Variants in XKR4 observed in about 807,000 individuals in gnomAD.
XKR4 encodes the protein XK related 4, also known as XK-related protein 4.
A neutral mutation model predicts 53.9 loss-of-function variants in XKR4; 12 were observed. The ratio of observed to expected loss-of-function variants is 0.22; its 90% CI spans 0.14 to 0.36. XKR4 has a LOEUF of 0.36. Ranked by LOEUF, XKR4 falls within the 10% of genes least tolerant of loss-of-function variation. XKR4 has a pLI of 1.00. For synonymous variants in XKR4, 354 were observed against 362.4 expected (o/e 0.98, Z 0.26); for missense variants, 799 against 859.5 (o/e 0.93, Z 0.88).
intron 1 of XKR4, among the ~76,000 whole-genome samples, chr8:55,301,320 T>G (rs1325784952): frequency 1.3e-5 from 2 of 152,054 alleles, no homozygotes; most frequent in African/African-American, 4.8e-5. Flanking sequence ...ACAAAGGACA[T>G]GAACTCTTCA....
intron 1 of XKR4, among the ~76,000 whole-genome samples, chr8:55,112,026 G>T (rs973543645): frequency 6.6e-6 from 1 of 152,176 alleles, no homozygotes; most frequent in South Asian, 2.1e-4. Context: ...ACTCCCTGGG[G>T]ATAGGAATTC....
chr8:55,254,396 G>T (rs1400735747), intron 1 of XKR4, among the ~76,000 whole-genome samples: 1 of 152,092 alleles, frequency 6.6e-6, no homozygotes, highest in Non-Finnish European at 1.5e-5. Context: ...ATGGCCCACG[G>T]TTGTCATGGA....
At chr8:55,176,736 A>C (rs1463540582) in intron 1 of XKR4, among the ~76,000 whole-genome samples, 1 of 152,026 alleles carries the variant, frequency 6.6e-6, no homozygotes, top group African/African-American at 2.4e-5. Context: ...ACATCTATTA[A>C]AATTTCTCCC....
chr8:55,175,339 T>G (rs1817214945), intron 1 of XKR4, among the ~76,000 whole-genome samples: 1 of 152,232 alleles, frequency 6.6e-6, no homozygotes, highest in Non-Finnish European at 1.5e-5. Flanking sequence ...AATATTCTGG[T>G]TGCTATGGAG....
At chr8:55,518,555 T>A (rs1270654875) in intron 2 of XKR4, among the ~76,000 whole-genome samples, 1 of 152,228 alleles carries the variant, frequency 6.6e-6, no homozygotes, top group Non-Finnish European at 1.5e-5. Context: ...GTGGGATCCA[T>A]GCTCTTAAGG....
At chr8:55,244,842 G>A (rs747388805) in intron 1 of XKR4, among the ~76,000 whole-genome samples, 4 of 151,058 alleles carry the variant, frequency 2.6e-5, no homozygotes, top group Admixed American at 1.3e-4. Flanking sequence ...TCATATGCTC[G>A]CTGGCTGCAT....
At chr8:55,285,034 T>C (rs1052389895) in intron 1 of XKR4, among the ~76,000 whole-genome samples, 1 of 152,234 alleles carries the variant, frequency 6.6e-6, no homozygotes, top group African/African-American at 2.4e-5. Context: ...AGATTGATCC[T>C]GTTAAAAACC....
At chr8:55,303,947 A>G (rs1490630227) in intron 1 of XKR4, among the ~76,000 whole-genome samples, 6 of 152,114 alleles carry the variant, frequency 3.9e-5, no homozygotes, top group African/African-American at 1.4e-4. Context: ...TCAAAAAACC[A>G]GCTCCTGGAT....
At chr8:55,410,766 T>C (rs1424015302) in intron 2 of XKR4, among the ~76,000 whole-genome samples, 1 of 152,200 alleles carries the variant, frequency 6.6e-6, no homozygotes, top group Non-Finnish European at 1.5e-5. Context: ...CATGACACTC[T>C]TCTCTAAAAT....
intron 2 of XKR4, among the ~76,000 whole-genome samples, chr8:55,392,678 C>T (rs1429251044): frequency 6.6e-6 from 1 of 152,080 alleles, no homozygotes. Flanking sequence ...ATAGTCCCAG[C>T]TATTCAGGAG....
chr8:55,395,041 G>A (rs1186587072), intron 2 of XKR4, among the ~76,000 whole-genome samples: 1 of 152,088 alleles, frequency 6.6e-6, no homozygotes, highest in Admixed American at 6.6e-5. Context: ...TCTCTGTGGA[G>A]TGCTATAATT....
chr8:55,482,445 T>G (rs1806124630), intron 2 of XKR4, among the ~76,000 whole-genome samples: 1 of 152,024 alleles, frequency 6.6e-6, no homozygotes, highest in Non-Finnish European at 1.5e-5. Context: ...TACCTAATGC[T>G]AAATGACGAG....
intron 1 of XKR4, among the ~76,000 whole-genome samples, chr8:55,256,402 G>T (rs1745935746): frequency 6.6e-6 from 1 of 152,198 alleles, no homozygotes; most frequent in African/African-American, 2.4e-5. Context: ...ACTGGGTTCT[G>T]GGAAACTATT....
In XKR4 at chr8:55,173,892, C is replaced by G. The variant is rs529184069; in HGVS notation, c.806+70598C>G. Reference sequence around the variant, plus strand: ...CTCTCAAAAATGTGTCATTCTTTCACAACTCAAATTTTGCATGAAGTATTT... The same window carrying G: ...CTCTCAAAAATGTGTCATTCTTTCAGAACTCAAATTTTGCATGAAGTATTT... On this transcript the variant is annotated intron_variant, in intron 1 of 2. Coordinates refer to ENST00000327381, the MANE Select transcript of XKR4 (RefSeq NM_052898.2). Among the ~76,000 whole-genome samples, 15 of 152,300 alleles carry G rather than the reference C, an allele frequency of 9.8e-5. No homozygotes were observed. In the South Asian group the frequency reaches 3.1e-3, roughly 32 times the overall value.
chr8:55,154,952 C>T (rs895780563), intron 1 of XKR4, among the ~76,000 whole-genome samples: 1 of 152,134 alleles, frequency 6.6e-6, no homozygotes, highest in East Asian at 1.9e-4. Context: ...ACGTGAGGAC[C>T]AAATCAGGGA....
chr8:55,192,532 C>A (rs1817457773), intron 1 of XKR4, among the ~76,000 whole-genome samples: 1 of 152,102 alleles, frequency 6.6e-6, no homozygotes, highest in Non-Finnish European at 1.5e-5. Flanking sequence ...CGTACTGGAT[C>A]AAAATTAATC....
chr8:55,408,744 C>T (rs1804728025), intron 2 of XKR4, among the ~76,000 whole-genome samples: 1 of 152,106 alleles, frequency 6.6e-6, no homozygotes, highest in South Asian at 2.1e-4. Flanking sequence ...TGCGGTGGTT[C>T]GCGCCTGTAA....
intron 2 of XKR4, among the ~76,000 whole-genome samples, chr8:55,491,988 G>A (rs557812095): frequency 2.0e-5 from 3 of 152,174 alleles, no homozygotes; most frequent in Admixed American, 6.5e-5. Context: ...CCTGCTCTCC[G>A]GTATTCTTCC....
chr8:55,535,086 C>A lies in XKR4; in HGVS notation c.*10859C>A, dbSNP rs564335641. 6.6e-6 allele frequency: 1 copy of A among 152,288 alleles called. No individual in the cohort carries two copies. The highest frequency in any genetic ancestry group is 2.1e-4 in the South Asian group (1 of 4,816). 9.4% of individuals were successfully genotyped at this position (152,288 alleles called of 1,614,324 possible). ...TATCACCAAGATGTATAATAGCAAG[C>A]ACTACTGAATGATCTTCCCAGTTAT... is the stretch of plus-strand genomic sequence containing the variant. On this transcript the variant is annotated 3_prime_UTR_variant, in exon 3 of 3. Transcript: ENST00000327381.
Sources: allele counts gnomAD v4.1 joint callset (sites outside exome capture counted in the v4.1 genomes callset), GRCh38; gene constraint gnomAD v4.1.1; transcripts MANE v1.5; gene names NCBI Gene and HGNC (gene_info 2026-07-23, HGNC 2026-07-21).